ASTN2: variants seen among roughly 807,000 people sequenced by gnomAD.
ASTN2 encodes astrotactin 2.
In ASTN2, 54 loss-of-function variants were observed where a neutral mutation model predicts 139.8. The ratio of observed to expected loss-of-function variants is 0.39; its 90% CI spans 0.31 to 0.48. ASTN2 has a LOEUF of 0.48. Ranked by LOEUF, ASTN2 falls within the 20% of genes least tolerant of loss-of-function variation. ASTN2 has a pLI of 0.95. For missense variants in ASTN2, 1,565 were observed against 1,725.1 expected (o/e 0.91, Z 1.64); for synonymous variants, 756 against 719.5 (o/e 1.05, Z -0.81).
At chr9:117,046,811 G>A (rs1406237037) in intron 5 of ASTN2, among the ~76,000 whole-genome samples, 1 of 152,130 alleles carries the variant, frequency 6.6e-6, no homozygotes, top group Non-Finnish European at 1.5e-5. Context: ...AATATAGTAG[G>A]TGCTCAATAA....
intron 11 of ASTN2, among the ~76,000 whole-genome samples, chr9:116,825,303 C>T (rs1831596090): frequency 1.3e-5 from 2 of 152,208 alleles, no homozygotes; most frequent in African/African-American, 2.4e-5. Context: ...GGAGGCACTT[C>T]TGAAGACTGT....
intron 6 of ASTN2, among the ~76,000 whole-genome samples, chr9:117,027,146 G>A (rs1265352585): frequency 2.0e-5 from 3 of 152,162 alleles, no homozygotes; most frequent in African/African-American, 7.2e-5. Context: ...ACATTACCAA[G>A]TACTTTAGAA....
chr9:117,283,435 C>T (rs546056855), intron 2 of ASTN2, among the ~76,000 whole-genome samples: 7 of 151,294 alleles, frequency 4.6e-5, no homozygotes, highest in African/African-American at 1.2e-4. Flanking sequence ...GAAAAAAAAA[C>T]GTGAATGATA....
At chr9:116,760,547 G>A (rs958182870) in intron 13 of ASTN2, among the ~76,000 whole-genome samples, 1 of 152,240 alleles carries the variant, frequency 6.6e-6, no homozygotes, top group Non-Finnish European at 1.5e-5. Context: ...GGAACAATGG[G>A]AGGATTCCGA....
chr9:116,965,491 A>T (rs183966872), intron 10 of ASTN2, among the ~76,000 whole-genome samples: 4 of 152,344 alleles, frequency 2.6e-5, no homozygotes, highest in Admixed American at 1.3e-4. Flanking sequence ...TTGGGGAGTC[A>T]TGATTATCAC....
chr9:117,363,458 G>A (rs1441019485), intron 1 of ASTN2, among the ~76,000 whole-genome samples: 1 of 152,122 alleles, frequency 6.6e-6, no homozygotes, highest in African/African-American at 2.4e-5. Flanking sequence ...GCATCTTTAT[G>A]GTGGAAGGGA....
At chr9:116,487,612 T>C in intron 19 of ASTN2, 112 bp from the exon 20 acceptor site, 3 of 1,110,646 alleles carry the variant, frequency 2.7e-6, no homozygotes, top group Non-Finnish European at 3.7e-6. Flanking sequence ...AGAAAAATAA[T>C]GGATAGAAAA....
At chr9:116,983,767 G>T (rs1836588457) in intron 7 of ASTN2, among the ~76,000 whole-genome samples, 1 of 152,176 alleles carries the variant, frequency 6.6e-6, no homozygotes, top group Non-Finnish European at 1.5e-5. Flanking sequence ...TATGTGGATA[G>T]GCTTTCCCTC....
chr9:117,361,050 G>A (rs1003879832), intron 1 of ASTN2, among the ~76,000 whole-genome samples: 6 of 152,068 alleles, frequency 3.9e-5, no homozygotes, highest in East Asian at 1.9e-4. Context: ...ATCTCAGGGG[G>A]ATTGAGACAA....
intron 6 of ASTN2, among the ~76,000 whole-genome samples, chr9:117,023,549 C>A (rs1837957617): frequency 6.6e-6 from 1 of 152,148 alleles, no homozygotes; most frequent in South Asian, 2.1e-4. Context: ...CCAATGCTTA[C>A]TTACTTTATT....
intron 19 of ASTN2, among the ~76,000 whole-genome samples, chr9:116,609,322 C>CTATATATATATA (rs199622984): frequency 3.8e-5 from 4 of 105,594 alleles, no homozygotes; most frequent in Admixed American, 9.9e-5. Context: ...CTCTCTCTCT[C>CTATATATATATA]TCTCTCTATA....
chr9:117,259,357 C>T (rs1457537569), intron 2 of ASTN2, among the ~76,000 whole-genome samples: 1 of 152,098 alleles, frequency 6.6e-6, no homozygotes, highest in Admixed American at 6.6e-5. Flanking sequence ...CTCCTCTCGG[C>T]CAAGGGCATT....
At chr9:116,941,551 AC>A (rs953303784) in intron 10 of ASTN2, among the ~76,000 whole-genome samples, 6 of 139,452 alleles carry the variant, frequency 4.3e-5, no homozygotes, top group African/African-American at 8.1e-5. Context: ...GAGACTCCCT[AC>A]CCCCCACATC....
In ASTN2 at chr9:116,966,882, T is replaced by C. The variant is rs561304330; in HGVS notation, c.1889+8326A>G. ...CAAATGCTCAACAAAGACCAAGATA[T>C]AAAGTCCAATGAACCTATTCCTCCA... On this transcript the variant is annotated intron_variant, in intron 10 of 22. Transcript: ENST00000313400. Among the ~76,000 whole-genome samples, 489 of 152,164 alleles carry C rather than the reference T, an allele frequency of 3.2e-3. 3 individuals carry two copies. The highest frequency in any genetic ancestry group is 5.4e-3 in the Admixed American group (82 of 15,282).
intron 7 of ASTN2, among the ~76,000 whole-genome samples, chr9:117,003,713 G>A (rs1295747709): frequency 6.6e-6 from 1 of 151,792 alleles, no homozygotes; most frequent in Non-Finnish European, 1.5e-5. Flanking sequence ...CAGATCAGCT[G>A]GGGAGCTAGA....
chr9:116,980,573 G>T (rs1005429367), intron 7 of ASTN2, among the ~76,000 whole-genome samples: 7 of 152,090 alleles, frequency 4.6e-5, no homozygotes, highest in Non-Finnish European at 8.8e-5. Context: ...GGTTGGAGTA[G>T]ATCACTCATC....
intron 2 of ASTN2, among the ~76,000 whole-genome samples, chr9:117,290,730 T>C (rs1001892507): frequency 6.6e-6 from 1 of 152,198 alleles, no homozygotes; most frequent in African/African-American, 2.4e-5. Flanking sequence ...CAAGAGTAGT[T>C]CCATCATTCG....
At chr9:116,839,638 C>T (rs888028882) in intron 11 of ASTN2, among the ~76,000 whole-genome samples, 10 of 151,788 alleles carry the variant, frequency 6.6e-5, no homozygotes, top group African/African-American at 1.2e-4. Flanking sequence ...GGAATTACAG[C>T]CCCGTGTGTG....
intron 17 of ASTN2, among the ~76,000 whole-genome samples, chr9:116,622,527 A>G (rs1238160973): frequency 6.6e-6 from 1 of 152,254 alleles, no homozygotes; most frequent in Non-Finnish European, 1.5e-5. Flanking sequence ...TCATTTATAT[A>G]TAAGAAAACT....
Sources: gnomAD v4.1 joint callset for allele counts (sites outside exome capture counted in the v4.1 genomes callset) on GRCh38, gnomAD v4.1.1 for gene constraint, MANE v1.5 for transcripts, NCBI Gene and HGNC (gene_info 2026-07-23, HGNC 2026-07-21) for gene names.